Variants in SLC9A9 observed in about 807,000 individuals in gnomAD.
The protein encoded by SLC9A9 is sodium/hydrogen exchanger 9.
Under a neutral mutation model 77.8 loss-of-function variants are expected in SLC9A9, and 62 were observed. The observed-to-expected ratio is 0.80, with a 90% confidence interval of 0.65 to 0.98. SLC9A9 has a LOEUF of 0.98. Ranked by LOEUF, SLC9A9 falls within the 50% of genes least tolerant of loss-of-function variation. The pLI, the probability that SLC9A9 is intolerant of heterozygous loss-of-function variation, is 0.00. For missense variants in SLC9A9, 775 were observed against 774.9 expected, an observed-to-expected ratio of 1.00 and a Z score of 0.00; for synonymous variants, 320 against 283.5, an observed-to-expected ratio of 1.13 and a Z score of -1.29.
chr3:143,670,982 T>C (rs1477392386), intron 5 of SLC9A9, among the ~76,000 whole-genome samples: 1 of 152,206 alleles, frequency 6.6e-6, no homozygotes, highest in Non-Finnish European at 1.5e-5. Context: ...GAAACAGCAA[T>C]GGTGTAGGAC....
chr3:143,552,952 G>A (rs948033367), intron 8 of SLC9A9, among the ~76,000 whole-genome samples: 1 of 152,150 alleles, frequency 6.6e-6, no homozygotes, highest in African/African-American at 2.4e-5. Flanking sequence ...ACATCCACAA[G>A]GGTTTTGCTG....
At chr3:143,706,263 A>G (rs1933972793) in intron 4 of SLC9A9, among the ~76,000 whole-genome samples, 1 of 152,162 alleles carries the variant, frequency 6.6e-6, no homozygotes, top group Non-Finnish European at 1.5e-5. Context: ...GCTACCCATT[A>G]CAGAGATCGA....
chr3:143,843,971 G>GT (rs2009768620), intron 1 of SLC9A9, among the ~76,000 whole-genome samples: 1 of 152,132 alleles, frequency 6.6e-6, no homozygotes, highest in Non-Finnish European at 1.5e-5. Context: ...TATCATAATA[G>GT]ATTACCCATT....
At chr3:143,455,742 G>T (rs1175165240) in intron 12 of SLC9A9, among the ~76,000 whole-genome samples, 1 of 150,032 alleles carries the variant, frequency 6.7e-6, no homozygotes, top group African/African-American at 2.4e-5. Context: ...ATATGCACTT[G>T]ATTTTTGAGT....
chr3:143,283,873 T>G (rs1938295874), intron 14 of SLC9A9, among the ~76,000 whole-genome samples: 1 of 152,196 alleles, frequency 6.6e-6, no homozygotes, highest in Non-Finnish European at 1.5e-5. Context: ...TACTTTCTAT[T>G]AAAACCACTC....
intron 4 of SLC9A9, among the ~76,000 whole-genome samples, chr3:143,754,093 A>G (rs2006843032): frequency 6.6e-6 from 1 of 152,174 alleles, no homozygotes; most frequent in African/African-American, 2.4e-5. Context: ...ATCACCATCT[A>G]AGAGACTCTC....
intron 14 of SLC9A9, among the ~76,000 whole-genome samples, chr3:143,270,593 TAAA>T (rs1042255420): frequency 6.6e-6 from 1 of 151,734 alleles, no homozygotes; most frequent in South Asian, 2.1e-4. Flanking sequence ...GAGTACAAAT[TAAA>T]AAAAATCCAG....
intron 5 of SLC9A9, among the ~76,000 whole-genome samples, chr3:143,691,560 G>A (rs546063807): frequency 6.6e-6 from 1 of 152,082 alleles, no homozygotes; most frequent in Non-Finnish European, 1.5e-5. Flanking sequence ...AATTGTTGAT[G>A]AACATTGTCC....
intron 11 of SLC9A9, among the ~76,000 whole-genome samples, chr3:143,480,037 G>T (rs1418377308): frequency 6.6e-6 from 1 of 152,180 alleles, no homozygotes; most frequent in Non-Finnish European, 1.5e-5. Context: ...ACCATTTAAG[G>T]TAAGTATTAA....
intron 5 of SLC9A9, among the ~76,000 whole-genome samples, chr3:143,665,621 T>C (rs189040713): frequency 1.3e-4 from 19 of 151,738 alleles, no homozygotes; most frequent in African/African-American, 3.6e-4. Context: ...AAGAATCAAA[T>C]AGACACAATA....
intron 6 of SLC9A9, among the ~76,000 whole-genome samples, chr3:143,597,342 G>T (rs138166819): frequency 2.0e-5 from 3 of 152,334 alleles, no homozygotes; most frequent in South Asian, 2.1e-4. Flanking sequence ...GGCGTCCAGA[G>T]AAAGAGAGAG....
intron 14 of SLC9A9, among the ~76,000 whole-genome samples, chr3:143,360,068 A>G (rs553918478): frequency 2.0e-5 from 3 of 152,220 alleles, no homozygotes; most frequent in Non-Finnish European, 4.4e-5. Context: ...TATCATGGAC[A>G]TAGGAATGTT....
At chr3:143,835,213 A>C (rs574761915) in intron 1 of SLC9A9, among the ~76,000 whole-genome samples, 10 of 152,334 alleles carry the variant, frequency 6.6e-5, no homozygotes, top group Middle Eastern at 3.4e-3. Flanking sequence ...TCTCTAAAGG[A>C]ATGAAAATCT....
At chr3:143,803,904 A>G (rs2008638266) in intron 2 of SLC9A9, among the ~76,000 whole-genome samples, 3 of 152,162 alleles carry the variant, frequency 2.0e-5, no homozygotes, top group Non-Finnish European at 2.9e-5. Flanking sequence ...TTTACTTTCT[A>G]GACAGGTCCA....
intron 4 of SLC9A9, among the ~76,000 whole-genome samples, chr3:143,750,014 A>G (rs1047342551): frequency 2.6e-5 from 4 of 152,224 alleles, no homozygotes; most frequent in African/African-American, 9.7e-5. Flanking sequence ...TTAAGCCTCC[A>G]TGATCCTTAT....
chr3:143,546,081 A>G (rs187975688), intron 9 of SLC9A9, among the ~76,000 whole-genome samples: 3 of 152,350 alleles, frequency 2.0e-5, no homozygotes, highest in Non-Finnish European at 2.9e-5. Context: ...CATGAGTACT[A>G]GAGGATGGGG....
intron 2 of SLC9A9, among the ~76,000 whole-genome samples, chr3:143,827,657 G>A (rs151257938): frequency 3.9e-5 from 6 of 152,148 alleles, no homozygotes; most frequent in Admixed American, 1.3e-4. Context: ...AGAAATACAC[G>A]TGCTCTTATA....
chr3:143,806,477 G>A (rs2108868051), intron 2 of SLC9A9, among the ~76,000 whole-genome samples: 1 of 152,124 alleles, frequency 6.6e-6, no homozygotes, highest in South Asian at 2.1e-4. Context: ...TCCTCTGCCA[G>A]TGCCTAGCAA....
chr3:143,553,328 T>C lies in SLC9A9; in HGVS notation c.1001-878A>G, dbSNP rs144995329. On this transcript the variant is annotated intron_variant, in intron 8 of 15. Transcript: ENST00000316549. The stretch of plus-strand genomic sequence containing the variant: ...GCTGGAGTGGGGAAGCAGTGGGAGC[T>C]TGCACTGTACTTTGGGTTAAAGATT... Among the ~76,000 whole-genome samples, 375 of 152,210 alleles carry C rather than the reference T, an allele frequency of 2.5e-3. 2 individuals are homozygous for C. Among genetic ancestry groups the C allele is most frequent in the African/African-American group, 8.6e-3 (356 of 41,540 alleles).
Sources: gnomAD v4.1 joint callset for allele counts (sites outside exome capture counted in the v4.1 genomes callset) on GRCh38, gnomAD v4.1.1 for gene constraint, MANE v1.5 for transcripts, NCBI Gene and HGNC (gene_info 2026-07-23, HGNC 2026-07-21) for gene names.